Variants in CEP170B observed in about 807,000 individuals in gnomAD.
The protein encoded by CEP170B is centrosomal protein of 170 kDa protein B.
A neutral mutation model predicts 120.6 loss-of-function variants in CEP170B; 55 were observed. The ratio of observed to expected loss-of-function variants is 0.46; its 90% CI spans 0.37 to 0.57. The LOEUF (loss-of-function observed/expected upper bound fraction) is 0.57. Ranked by LOEUF, CEP170B falls within the 20% of genes least tolerant of loss-of-function variation. The probability of loss-of-function intolerance (pLI) is 0.00; values close to 1 mark genes in which losing one functional copy is unlikely to be tolerated. For missense variants in CEP170B, 2,212 were observed against 2,253.3 expected (o/e 0.98, Z 0.37); for synonymous variants, 1,033 against 954.5 (o/e 1.08, Z -1.52).
chr14:104,895,066 ATGTGCCATATCCC>A lies in CEP170B; in HGVS notation c.*113_*125del, dbSNP rs1897020161. 3.1e-6 allele frequency: 4 copies of A among 1,274,044 alleles called. No individual in the cohort carries two copies. In the Admixed American group the frequency reaches 1.1e-4, roughly 35 times the overall value. 78.9% of individuals were successfully genotyped at this position (1,274,044 alleles called of 1,614,324 possible). ...GGTGGTTCTCCCTGAAGACCCCCAC[ATGTGCCATATCCC>A]TGTGGGCGGGTGCCTCCCACGCCCT... On this transcript the variant is annotated 3_prime_UTR_variant, in exon 19 of 19. Transcript: ENST00000414716.
chr14:104,877,811 C>G (rs1303703422), intron 3 of CEP170B, 74 bp from the exon 4 acceptor site: 1 of 651,382 alleles, frequency 1.5e-6, no homozygotes, highest in Non-Finnish European at 2.4e-6. Flanking sequence ...CTCAGCCCCA[C>G]CACCCTGCGG....
rs181974042 is a variant in CEP170B, at chr14:104,893,123, T to C, written c.4026T>C (p.Ser1342=). 2.8e-4 allele frequency: 445 copies of C among 1,608,944 alleles called. 3 individuals are homozygous for C. In the East Asian group the frequency reaches 7.6e-3, roughly 27 times the overall value. ...NMPSTPASTI[S]AREELVQRIP... ...CCAGCACCCCCGCCTCGACCATCTC[T>C]GCCCGGGAGGAGGTGAGCCCCAGGC... Residue 1342 remains serine (S), a synonymous_variant, in exon 14 of 19, where the codon TCT becomes TCC. Coordinates refer to ENST00000414716, the MANE Select transcript of CEP170B (RefSeq NM_001112726.3).
rs566424610 is a variant in CEP170B at position 104,870,081 on chromosome 14, G to A, written c.105+1526G>A. 1.3e-3 allele frequency among the ~76,000 whole-genome samples: 198 copies of A among 147,664 alleles called. 1 individual carries two copies. Among genetic ancestry groups the A allele is most frequent in the Admixed American group, 7.3e-3 (106 of 14,512 alleles). ...TGGTAGCGGGAGAGAGTCGGTGGCT[G>A]GGGGCAGGAGTCGGCAAATGTTTTC... On this transcript the variant is annotated intron_variant, in intron 2 of 18. Transcript: ENST00000414716. This position sits in a 1 kb window ranked among gnomAD's most constrained non-coding sequence, Gnocchi z 4.1.
Position 104,868,491 on chromosome 14 carries a change from C to T in CEP170B, c.41C>T (p.Ala14Val), listed in dbSNP as rs1369081518. The T allele has an allele frequency of 2.6e-6, 4 of 1,549,490 alleles. No homozygotes were observed. The highest frequency in any genetic ancestry group is 2.4e-5 in the South Asian group (2 of 84,010). ...TSWFLVSSSG[A>V]RHRLPRELIF... ...TGGTTCCTGGTGAGCAGCAGCGGCGCCCGCCACCGGCTCCCTCGGGAGCTC... is the reference window on the plus strand; with the variant it reads ...TGGTTCCTGGTGAGCAGCAGCGGCGTCCGCCACCGGCTCCCTCGGGAGCTC... The change falls in exon 2 of 19, where the codon GCC (alanine) becomes GTC (valine). Residue 14 changes from alanine to valine, a missense_variant. Physicochemically the swap from Ala to Val is moderately conservative, Grantham distance 64. Around this residue, in one of 2 missense-constraint regions of CEP170B, gnomAD observed 46 missense variants for 86.6 expected, o/e 0.53. Transcript: ENST00000414716. This position sits in a 1 kb window ranked among gnomAD's most constrained non-coding sequence, Gnocchi z 5.9.
chr14:104,878,709 G>A (rs1316007042), intron 5 of CEP170B, among the ~76,000 whole-genome samples: 1 of 152,246 alleles, frequency 6.6e-6, no homozygotes, highest in Non-Finnish European at 1.5e-5. Context: ...ATTACCCCCA[G>A]CCTGCTGCAG....
In CEP170B at chr14:104,886,736, C is replaced by G. The variant is rs754879041; in HGVS notation, c.2497C>G (p.Arg833Gly). Residue 833 changes from arginine to glycine, a missense_variant, in exon 12 of 19, where the codon CGG becomes GGG. This residue lies in a region of CEP170B where 2,166 missense variants were observed against 2,166.7 expected (regional missense o/e 1.00). Transcript: ENST00000414716. Reference sequence around the variant, plus strand: ...GACAGCCCAGCCCAGCCCCCCAGCACGGGATGGCGTCTATGTCAGTGCCAA... The same window carrying G: ...GACAGCCCAGCCCAGCCCCCCAGCAGGGGATGGCGTCTATGTCAGTGCCAA... ...GQTAQPSPPA[R>G]DGVYVSANGR... The G allele has an allele frequency of 6.2e-7, 1 of 1,607,530 alleles. No individual in the cohort carries two copies. Among genetic ancestry groups the G allele is most frequent in the Non-Finnish European group, 8.5e-7 (1 of 1,176,884 alleles).
intron 2 of CEP170B, among the ~76,000 whole-genome samples, chr14:104,875,713 C>G (rs1228980752): frequency 6.6e-6 from 1 of 152,216 alleles, no homozygotes; most frequent in African/African-American, 2.4e-5. Context: ...TGGCTGTGGC[C>G]TTATGATTGG....
At chr14:104,886,211 C>A in intron 11 of CEP170B, 64 bp from the exon 12 acceptor site, 1 of 1,471,020 alleles carries the variant, frequency 6.8e-7, no homozygotes, top group Non-Finnish European at 9.0e-7. Context: ...CAGGCTGCCT[C>A]TTCCTGAGCG....
At chr14:104,881,613 T>C (rs187143823) in intron 6 of CEP170B, among the ~76,000 whole-genome samples, 1 of 152,232 alleles carries the variant, frequency 6.6e-6, no homozygotes, top group Non-Finnish European at 1.5e-5. Flanking sequence ...TGACAGCCAG[T>C]GTGGGGCTGT....
Position 104,883,850 on chromosome 14 carries a change from C to T in CEP170B, c.1071C>T (p.Gly357=), listed in dbSNP as rs747717787. ...RTLKGHKHED[G]TQSDSEDPLA... is the part of the protein sequence containing the mutation. The stretch of plus-strand genomic sequence containing the variant: ...CCCCAGGCCACAAGCACGAGGACGG[C>T]ACGCAGAGTGACTCAGAGGACCCCC... Residue 357 remains glycine, a synonymous_variant, in exon 9 of 19, where the codon GGC becomes GGT. Coordinates refer to ENST00000414716, the MANE Select transcript of CEP170B (RefSeq NM_001112726.3). 11 of 1,563,922 alleles carry T rather than the reference C, an allele frequency of 7.0e-6. No homozygotes were observed. The highest frequency in any genetic ancestry group is 5.7e-5 in the Admixed American group (3 of 52,224).
chr14:104,893,153 T>C lies in CEP170B; in HGVS notation c.4038+18T>C. 1 of 1,601,880 alleles carries C rather than the reference T, an allele frequency of 6.2e-7. No homozygotes were observed. Among genetic ancestry groups the C allele is most frequent in the East Asian group, 2.2e-5 (1 of 44,634 alleles). On this transcript the variant is annotated intron_variant, in intron 14 of 18. Coordinates refer to ENST00000414716, the MANE Select transcript of CEP170B (RefSeq NM_001112726.3). ...GGGAGGAGGTGAGCCCCAGGCTTTCTGAGGCCCCTGTGCCAGAGCCACCCT... is the reference window on the plus strand; with the variant it reads ...GGGAGGAGGTGAGCCCCAGGCTTTCCGAGGCCCCTGTGCCAGAGCCACCCT...
intron 6 of CEP170B, among the ~76,000 whole-genome samples, chr14:104,881,817 T>C (rs574731382): frequency 9.9e-5 from 15 of 151,882 alleles, no homozygotes; most frequent in African/African-American, 3.6e-4. Context: ...CAGGGAGGGG[T>C]AAGGCGTGTG....
At chr14:104,873,280 GA>G (rs1895672374) in intron 2 of CEP170B, among the ~76,000 whole-genome samples, 1 of 129,880 alleles carries the variant, frequency 7.7e-6, no homozygotes, top group Admixed American at 8.5e-5. Context: ...AAAGGAGCCG[GA>G]AGCTGGTGTG....
At chr14:104,878,041 G>A in intron 4 of CEP170B, 78 bp downstream of exon 4, 5 of 1,220,082 alleles carry the variant, frequency 4.1e-6, no homozygotes, top group Non-Finnish European at 5.9e-6. Context: ...TACTCCAGAA[G>A]CAGGGCTGTC....
chr14:104,874,842 G>GT (rs1303703664), intron 2 of CEP170B, among the ~76,000 whole-genome samples: 1 of 151,936 alleles, frequency 6.6e-6, no homozygotes, highest in Non-Finnish European at 1.5e-5. Flanking sequence ...TGGCACTAGC[G>GT]TGAGGCTGGC....
chr14:104,886,878 C>T lies in CEP170B; in HGVS notation c.2639C>T (p.Pro880Leu). ...TKEPASGPPA[P>L]GKPPHISSHP... The stretch of plus-strand genomic sequence containing the variant: ...GAGCCAGCCAGTGGTCCCCCAGCGC[C>T]CGGCAAGCCCCCCCACATCTCCAGC... Residue 880 changes from proline to leucine, a missense_variant, in exon 12 of 19, where the codon CCC becomes CTC. Transcript: ENST00000414716. The T allele has an allele frequency of 1.2e-6, 2 of 1,610,574 alleles. No individual in the cohort carries two copies. The highest frequency in any genetic ancestry group is 2.2e-5 in the South Asian group (2 of 91,080).
intron 12 of CEP170B, among the ~76,000 whole-genome samples, chr14:104,888,980 C>T (rs1395085410): frequency 1.3e-5 from 2 of 152,230 alleles, no homozygotes; most frequent in Non-Finnish European, 2.9e-5. Context: ...AGTGCAGGAG[C>T]GCAGCTGCTG....
rs755273891 is a variant in CEP170B at position 104,886,875 on chromosome 14, C to T, written c.2636C>T (p.Ala879Val). 1.3e-5 allele frequency: 21 copies of T among 1,610,584 alleles called. No homozygotes were observed. Among genetic ancestry groups the T allele is most frequent in the Middle Eastern group, 1.7e-4 (1 of 6,040 alleles). The change falls in exon 12 of 19, where the codon GCG becomes GTG. Residue 879 changes from alanine to valine, a missense_variant. Physicochemically the swap from Ala to Val is moderately conservative, Grantham distance 64. Around this residue, in one of 2 missense-constraint regions of CEP170B, gnomAD observed 2,166 missense variants for 2,166.7 expected, o/e 1.00. Coordinates refer to ENST00000414716, the MANE Select transcript of CEP170B (RefSeq NM_001112726.3). Reference sequence around the variant, plus strand: ...AAGGAGCCAGCCAGTGGTCCCCCAGCGCCCGGCAAGCCCCCCCACATCTCC... The same window carrying T: ...AAGGAGCCAGCCAGTGGTCCCCCAGTGCCCGGCAAGCCCCCCCACATCTCC... ...FTKEPASGPP[A>V]PGKPPHISSH...
Position 104,896,316 on chromosome 14 carries a change from CGT to C in CEP170B, c.*1368_*1369del, listed in dbSNP as rs1292163715. 2.1e-5 allele frequency: 7 copies of C among 336,398 alleles called. No individual in the cohort carries two copies. The highest frequency in any genetic ancestry group is 4.3e-5 in the African/African-American group (2 of 46,258). The allele number at this position is 336,398 out of a possible 1,614,324, so 20.8% of individuals were successfully genotyped here. ...GAGCCTGCGGCCCACCTGATGTTTA[CGT>C]GTGTGTGTGAGGGGGGGCGGGGGTG... On this transcript the variant is annotated 3_prime_UTR_variant, in exon 19 of 19. Coordinates refer to ENST00000414716, the MANE Select transcript of CEP170B (RefSeq NM_001112726.3).
Sources: allele counts gnomAD v4.1 joint callset (sites outside exome capture counted in the v4.1 genomes callset), GRCh38; gene constraint gnomAD v4.1.1; regional missense constraint gnomAD v4.1.1; non-coding constraint Gnocchi (gnomAD v3.1); transcripts MANE v1.5; gene names NCBI Gene and HGNC (gene_info 2026-07-23, HGNC 2026-07-21).